Variants in HPSE2 observed in about 807,000 individuals in gnomAD.
HPSE2 encodes inactive heparanase-2.
A neutral mutation model predicts 60.5 loss-of-function variants in HPSE2; 38 were observed. The observed-to-expected ratio is 0.63, with a 90% CI of 0.48 to 0.82. The LOEUF (loss-of-function observed/expected upper bound fraction) is 0.82. Among genes scored for constraint, HPSE2 ranks in the 40% least tolerant of loss-of-function variants. The pLI is 0.00. For synonymous variants in HPSE2, 295 were observed against 293.2 expected (o/e 1.01, Z -0.06); for missense variants, 713 against 740.4 (o/e 0.96, Z 0.43).
rs148267590 is a variant in HPSE2 at position 98,652,191 on chromosome 10, T to C, written c.1005-10251A>G. Among the ~76,000 whole-genome samples, 565 of 152,318 alleles carry C rather than the reference T, an allele frequency of 3.7e-3. 4 individuals are homozygous for C. The highest frequency in any genetic ancestry group is 0.013 in the African/African-American group (545 of 41,578). ...AAAAGGTAAAATTTCATTTAATATA[T>C]TCTCATCACATATTTTAGACAATTA... is the stretch of plus-strand genomic sequence containing the variant. On this transcript the variant is annotated intron_variant, in intron 6 of 11. Transcript: ENST00000370552.
chr10:99,299,238 G>A, the HPSE2 span, among the ~76,000 whole-genome samples: 1 of 152,180 alleles, frequency 6.6e-6, no homozygotes, highest in East Asian at 1.9e-4. Context: ...ACACGCCCTG[G>A]TCCCTATTCC....
In HPSE2 at chr10:98,586,925, A is replaced by G. The variant is rs528069837; in HGVS notation, c.1320+27979T>C. On this transcript the variant is annotated intron_variant, in intron 9 of 11. Coordinates refer to ENST00000370552, the MANE Select transcript of HPSE2 (RefSeq NM_021828.5). ...TCTGTGCTCAAACCTGAGGGTTGCC[A>G]TTTATAAATTTGGCTTTGGACAGGT... 1.2e-3 allele frequency among the ~76,000 whole-genome samples: 186 copies of G among 152,300 alleles called. 2 individuals are homozygous for G. Among genetic ancestry groups the G allele is most frequent in the Non-Finnish European group, 3.2e-4 (22 of 68,014 alleles).
At position 98,831,288 on chromosome 10, in the gene HPSE2, T is replaced by C. The variant is rs75049808; in HGVS notation, c.611-87232A>G. On this transcript the variant is annotated intron_variant, in intron 3 of 11. Transcript: ENST00000370552. ...GAGGGTGTAGTCCTGAAGAAGAATA[T>C]GCATTCAGGGCTGACAGTGTGCTTC... is the stretch of plus-strand genomic sequence containing the variant. 8.2e-3 allele frequency among the ~76,000 whole-genome samples: 1,243 copies of C among 152,226 alleles called. 23 individuals carry two copies. The highest frequency in any genetic ancestry group is 0.029 in the African/African-American group (1,189 of 41,532).
At chr10:98,822,888 AT>A (rs1274669220) in intron 3 of HPSE2, among the ~76,000 whole-genome samples, 6 of 152,228 alleles carry the variant, frequency 3.9e-5, no homozygotes, top group Non-Finnish European at 4.4e-5. Flanking sequence ...ATGTTACTTT[AT>A]GGGGCAAAAG....
At chr10:98,646,107 G>A (rs947176678) in intron 6 of HPSE2, among the ~76,000 whole-genome samples, 1 of 152,138 alleles carries the variant, frequency 6.6e-6, no homozygotes, top group Non-Finnish European at 1.5e-5. Flanking sequence ...AAGCTTCTAA[G>A]AAAACATTCA....
intron 3 of HPSE2, among the ~76,000 whole-genome samples, chr10:98,941,762 G>T (rs1328099921): frequency 3.7e-5 from 5 of 134,756 alleles, no homozygotes; most frequent in South Asian, 4.6e-4. Flanking sequence ...AAAAGAGCCC[G>T]CATCGCCAAG....
At chr10:98,884,957 A>C (rs1282904790) in intron 3 of HPSE2, among the ~76,000 whole-genome samples, 1 of 152,176 alleles carries the variant, frequency 6.6e-6, no homozygotes, top group South Asian at 2.1e-4. Flanking sequence ...ACATTTTGTA[A>C]GGCCAGAACT....
At chr10:99,061,222 G>C (rs1958235790) in intron 3 of HPSE2, among the ~76,000 whole-genome samples, 1 of 152,060 alleles carries the variant, frequency 6.6e-6, no homozygotes, top group Non-Finnish European at 1.5e-5. Context: ...ATGTTGAGAG[G>C]AAGAGGTGGT....
At chr10:98,737,233 A>G (rs1280898453) in intron 4 of HPSE2, among the ~76,000 whole-genome samples, 1 of 92,920 alleles carries the variant, frequency 1.1e-5, no homozygotes, top group Non-Finnish European at 2.3e-5. Context: ...TTATATACAC[A>G]TAAAAATACA....
chr10:98,499,590 C>T (rs1033225534), intron 9 of HPSE2, among the ~76,000 whole-genome samples: 14 of 152,054 alleles, frequency 9.2e-5, no homozygotes, highest in African/African-American at 1.7e-4. Flanking sequence ...AACAAAAATA[C>T]AAGTTAAAAA....
intron 3 of HPSE2, among the ~76,000 whole-genome samples, chr10:98,979,832 G>A (rs1956167019): frequency 6.6e-6 from 1 of 152,136 alleles, no homozygotes; most frequent in African/African-American, 2.4e-5. Flanking sequence ...AAAAGCAGAA[G>A]CGTTAGAGAA....
At chr10:98,813,518 A>G (rs927316848) in intron 3 of HPSE2, among the ~76,000 whole-genome samples, 1 of 152,152 alleles carries the variant, frequency 6.6e-6, no homozygotes, top group Non-Finnish European at 1.5e-5. Flanking sequence ...TATGCACAAA[A>G]GTGGCCCTGC....
chr10:98,652,085 T>G (rs1946932839), intron 6 of HPSE2, among the ~76,000 whole-genome samples: 1 of 152,180 alleles, frequency 6.6e-6, no homozygotes, highest in African/African-American at 2.4e-5. Flanking sequence ...ATAGTTCCAT[T>G]TTTAAAAGTT....
At chr10:99,084,975 C>A (rs1198121554) in intron 3 of HPSE2, among the ~76,000 whole-genome samples, 1 of 152,224 alleles carries the variant, frequency 6.6e-6, no homozygotes, top group Non-Finnish European at 1.5e-5. Context: ...ACACCTTTGA[C>A]TACCAACTTT....
intron 9 of HPSE2, among the ~76,000 whole-genome samples, chr10:98,577,512 A>G (rs1944674593): frequency 6.6e-6 from 1 of 152,216 alleles, no homozygotes; most frequent in Non-Finnish European, 1.5e-5. Flanking sequence ...CCACAATGAA[A>G]GATTCACTTC....
At chr10:98,572,831 G>A (rs1944536783) in intron 9 of HPSE2, among the ~76,000 whole-genome samples, 1 of 152,188 alleles carries the variant, frequency 6.6e-6, no homozygotes, top group South Asian at 2.1e-4. Context: ...CCACGAACAG[G>A]CAAGGCCTGC....
chr10:98,630,827 C>G (rs1044591955), intron 7 of HPSE2, among the ~76,000 whole-genome samples: 2 of 152,084 alleles, frequency 1.3e-5, no homozygotes, highest in Non-Finnish European at 1.5e-5. Flanking sequence ...GAGAAGATAA[C>G]TAATAATCTC....
intron 10 of HPSE2, among the ~76,000 whole-genome samples, chr10:98,489,814 CA>C (rs1306329812): frequency 6.6e-6 from 1 of 152,178 alleles, no homozygotes; most frequent in Non-Finnish European, 1.5e-5. Flanking sequence ...GAACAAATGG[CA>C]AGAATTTTAG....
chr10:98,603,935 T>G (rs1945505187), intron 9 of HPSE2, among the ~76,000 whole-genome samples: 1 of 152,116 alleles, frequency 6.6e-6, no homozygotes, highest in Non-Finnish European at 1.5e-5. Context: ...AGAAAAATAC[T>G]GAAAAACACT....
Sources: allele counts gnomAD v4.1 joint callset (sites outside exome capture counted in the v4.1 genomes callset), GRCh38; gene constraint gnomAD v4.1.1; transcripts MANE v1.5; gene names NCBI Gene and HGNC (gene_info 2026-07-23, HGNC 2026-07-21).